CARNMT1: variants seen among roughly 807,000 people sequenced by gnomAD.
CARNMT1 encodes the protein carnosine N-methyltransferase 1.
A neutral mutation model predicts 49.6 loss-of-function variants in CARNMT1; 28 were observed. The observed-to-expected ratio is 0.56, with a 90% CI of 0.42 to 0.77. CARNMT1 has a LOEUF of 0.77. Among genes scored for constraint, CARNMT1 ranks in the 30% least tolerant of loss-of-function variants. The pLI is 0.00. For synonymous variants in CARNMT1, 178 were observed against 175.0 expected (o/e 1.02, Z -0.13); for missense variants, 421 against 512.6 (o/e 0.82, Z 1.73).
chr9:75,000,279 T>C (rs1022750016), intron 3 of CARNMT1, among the ~76,000 whole-genome samples: 1 of 152,220 alleles, frequency 6.6e-6, no homozygotes, highest in African/African-American at 2.4e-5. Context: ...ACTTTATTTC[T>C]AAATTTTATA....
intron 3 of CARNMT1, among the ~76,000 whole-genome samples, chr9:75,006,051 C>T (rs1270392201): frequency 6.6e-6 from 1 of 151,740 alleles, no homozygotes; most frequent in Non-Finnish European, 1.5e-5. Flanking sequence ...ATTAATGACC[C>T]TTTTCTTCCT....
intron 1 of CARNMT1, among the ~76,000 whole-genome samples, chr9:75,020,648 T>G (rs1165927936): frequency 1.3e-5 from 2 of 152,210 alleles, no homozygotes; most frequent in African/African-American, 4.8e-5. Flanking sequence ...CAAACAATTT[T>G]CTTATTTTTA....
At position 74,983,333 on chromosome 9, in the gene CARNMT1, T is replaced by G. The variant is rs1832735918; in HGVS notation, c.*434A>C. 1 of 152,098 alleles carries G rather than the reference T, an allele frequency of 6.6e-6. No homozygotes were observed. The highest frequency in any genetic ancestry group is 1.5e-5 in the Non-Finnish European group (1 of 68,194). 9.4% of individuals were successfully genotyped at this position (152,098 alleles called of 1,614,324 possible). ...AAGTCCCAACTCCAGATGTTGAATA[T>G]GACTGAGGATCCTTAGACTCTTCTA... is the stretch of plus-strand genomic sequence containing the variant. On this transcript the variant is annotated 3_prime_UTR_variant, in exon 8 of 8. Transcript: ENST00000376834.
intron 1 of CARNMT1, among the ~76,000 whole-genome samples, 191 bp downstream of exon 1, chr9:75,027,821 G>A (rs1286821338): frequency 6.6e-6 from 1 of 152,184 alleles, no homozygotes; most frequent in Admixed American, 6.5e-5. Flanking sequence ...CGGCGGACAC[G>A]CGGGTGTGCA....
chr9:75,013,170 G>T (rs1313916573), intron 3 of CARNMT1, among the ~76,000 whole-genome samples: 1 of 152,102 alleles, frequency 6.6e-6, no homozygotes, highest in Non-Finnish European at 1.5e-5. Flanking sequence ...CATAACCCAT[G>T]CACGGAGACC....
At position 75,007,735 on chromosome 9, in the gene CARNMT1, ATAAAAATAAT is replaced by A. The variant is rs749242706; in HGVS notation, c.591-7875_591-7866del. ...CAGAGCGAGACCCTGTCTCAAAAAA[ATAAAAATAAT>A]AAAAAAAAAAAAACTAAGAAAATTC... On this transcript the variant is annotated intron_variant, in intron 3 of 7. Coordinates refer to ENST00000376834, the MANE Select transcript of CARNMT1 (RefSeq NM_152420.3). Among the ~76,000 whole-genome samples the A allele has an allele frequency of 4.6e-4, 57 of 123,936 alleles. 1 individual carries two copies. The highest frequency in any genetic ancestry group is 1.1e-3 in the South Asian group (4 of 3,586). 81.3% of individuals were successfully genotyped at this position (123,936 alleles called of 152,430 possible). A position where few individuals can be genotyped will look rare whatever the true frequency, so the allele number is the denominator to read the frequency against.
rs1438174244 is a variant in CARNMT1 at position 74,982,350 on chromosome 9, T to C, written c.*1417A>G. ...CATCTGTGAAAATATTCAAGAAGAG[T>C]TCTTCCTTTTCTCCAAGAAAAGGCT... On this transcript the variant is annotated 3_prime_UTR_variant, in exon 8 of 8. Transcript: ENST00000376834. 2 of 152,100 alleles carry C rather than the reference T, an allele frequency of 1.3e-5. No individual in the cohort carries two copies. Among genetic ancestry groups the C allele is most frequent in the African/African-American group, 4.8e-5 (2 of 41,412 alleles). The allele number at this position is 152,100 out of a possible 1,614,324, so 9.4% of individuals were successfully genotyped here. A position where few individuals can be genotyped will look rare whatever the true frequency, so the allele number is the denominator to read the frequency against.
At chr9:75,015,069 T>G (rs776349119) in intron 3 of CARNMT1, among the ~76,000 whole-genome samples, 21 of 152,178 alleles carry the variant, frequency 1.4e-4, no homozygotes, top group Non-Finnish European at 2.4e-4. Flanking sequence ...AAATCAGGGG[T>G]TCCTAACCTG....
chr9:74,986,498 G>C (rs1238550123), intron 6 of CARNMT1, among the ~76,000 whole-genome samples: 1 of 152,110 alleles, frequency 6.6e-6, no homozygotes, highest in East Asian at 1.9e-4. Context: ...CTGTTTCCTA[G>C]ACTACCCAAA....
rs748045579 is a variant in CARNMT1 at position 74,984,999 on chromosome 9, A to G, written c.1036T>C (p.Tyr346His). The G allele has an allele frequency of 6.2e-7, 1 of 1,611,492 alleles. No homozygotes were observed. The highest frequency in any genetic ancestry group is 1.1e-5 in the South Asian group (1 of 91,008). ...TCATTTGCCAGATTTTCAAAGTGGT[A>G]CAGCAGAGGACCTATGGTTTAAAGA... ...GIWINLGPLL[Y>H]HFENLANELS... The change falls in exon 7 of 8, where the codon TAC (tyrosine) becomes CAC (histidine). Residue 346 changes from tyrosine (Y) to histidine (H), a missense_variant. Around this residue, in one of 2 missense-constraint regions of CARNMT1, gnomAD observed 235 missense variants for 344.8 expected, o/e 0.68. Transcript: ENST00000376834.
chr9:75,018,620 T>G (rs377633739), intron 1 of CARNMT1, among the ~76,000 whole-genome samples: 1 of 152,154 alleles, frequency 6.6e-6, no homozygotes, highest in African/African-American at 2.4e-5. Flanking sequence ...TCCTAGAAAC[T>G]CTTGCAAATG....
chr9:75,014,164 G>A (rs368775271), intron 3 of CARNMT1, among the ~76,000 whole-genome samples: 1 of 152,040 alleles, frequency 6.6e-6, no homozygotes, highest in African/African-American at 2.4e-5. Context: ...GCTAATTTGG[G>A]TAAACTGCAA....
intron 5 of CARNMT1, 119 bp downstream of exon 5, chr9:74,998,479 G>T: frequency 1.3e-6 from 1 of 746,440 alleles, no homozygotes; most frequent in Non-Finnish European, 2.0e-6. Flanking sequence ...AATTGACACT[G>T]ACATATGCCT....
At chr9:75,022,202 G>A (rs1202864440) in intron 1 of CARNMT1, among the ~76,000 whole-genome samples, 1 of 147,038 alleles carries the variant, frequency 6.8e-6, no homozygotes, top group Non-Finnish European at 1.5e-5. Context: ...ATTACCAGGT[G>A]AGAAGGAATA....
At chr9:75,003,540 C>G (rs1199988214) in intron 3 of CARNMT1, among the ~76,000 whole-genome samples, 3 of 152,256 alleles carry the variant, frequency 2.0e-5, no homozygotes, top group Non-Finnish European at 4.4e-5. Flanking sequence ...CTGTTTGGCA[C>G]TTCAAGAAAA....
chr9:75,021,283 A>G (rs1822346289), intron 1 of CARNMT1, among the ~76,000 whole-genome samples: 1 of 133,324 alleles, frequency 7.5e-6, no homozygotes, highest in Non-Finnish European at 1.7e-5. Context: ...TATACATAGT[A>G]TATACATAGT....
chr9:74,992,654 C>T (rs866673361), intron 6 of CARNMT1, among the ~76,000 whole-genome samples: 2 of 152,302 alleles, frequency 1.3e-5, no homozygotes, highest in South Asian at 4.1e-4. Flanking sequence ...CCTTAAAAGG[C>T]TTACTAGCTT....
intron 1 of CARNMT1, chr9:75,026,943 G>T: frequency 2.0e-6 from 1 of 500,878 alleles, no homozygotes. Context: ...CCTTGAGGAG[G>T]TCACAGCAAA....
Position 75,028,185 on chromosome 9 carries a change from C to A in CARNMT1, c.57G>T (p.Gly19=). The change falls in exon 1 of 8, where the codon GGG becomes GGT. Residue 19 remains glycine (G), a synonymous_variant. Transcript: ENST00000376834. ...PPTSRLPEGC[G]GGGGGSEEVE... ...CCTCCTCGCTGCCACCGCCTCCTCC[C>A]CCGCAGCCCTCGGGCAGCCGGGAGG... 6.6e-7 allele frequency: 1 copy of A among 1,509,314 alleles called. No individual in the cohort carries two copies. The highest frequency in any genetic ancestry group is 2.9e-5 in the East Asian group (1 of 35,000). The allele number at this position is 1,509,314 out of a possible 1,614,324, so 93.5% of individuals were successfully genotyped here.
Sources: gnomAD v4.1 joint callset for allele counts (sites outside exome capture counted in the v4.1 genomes callset) on GRCh38, gnomAD v4.1.1 for gene constraint, gnomAD v4.1.1 regional missense constraint, MANE v1.5 for transcripts, NCBI Gene and HGNC (gene_info 2026-07-23, HGNC 2026-07-21) for gene names.